FANCB: variants seen among roughly 807,000 people sequenced by gnomAD.
The protein encoded by FANCB is Fanconi anemia group B protein.
Under a neutral mutation model 38.9 loss-of-function variants are expected in FANCB, and 5 were observed. That is an observed-to-expected ratio of 0.13 (90% confidence interval 0.07 to 0.27). The LOEUF is 0.27. Ranked by LOEUF, FANCB falls within the 10% of genes least tolerant of loss-of-function variation. The pLI is 1.00. For missense variants in FANCB, 573 were observed against 602.7 expected, an observed-to-expected ratio of 0.95 and a Z score of 0.52; for synonymous variants, 236 against 215.4, an observed-to-expected ratio of 1.10 and a Z score of -0.84.
the FANCB span, among the ~76,000 whole-genome samples, chrX:14,789,209 A>G: frequency 8.9e-6 from 1 of 111,789 alleles, no homozygotes; most frequent in African/African-American, 3.2e-5. Flanking sequence ...CTGCTGGGGT[A>G]TATTGTCTCA....
chrX:14,865,119 T>C lies in FANCB; in HGVS notation c.392A>G (p.Lys131Arg), dbSNP rs2147446934. Residue 131 changes from lysine (K) to arginine (R), a missense_variant, in exon 3 of 10, where the codon AAG becomes AGG. Coordinates refer to ENST00000650831, the MANE Select transcript of FANCB (RefSeq NM_001018113.3). ...RLSFKLGYEM[K>R]DGLRVLNGPL... ...GCCATTAAGGACCCTTAGGCCATCC[T>C]TCATCTCATAGCCTAGTTTAAAACT... 1 of 1,208,411 alleles carries C rather than the reference T, an allele frequency of 8.3e-7. No homozygotes were observed. The highest frequency in any genetic ancestry group is 1.1e-6 in the Non-Finnish European group (1 of 893,594).
At chrX:14,755,534 G>A in the FANCB span, among the ~76,000 whole-genome samples, 1 of 111,453 alleles carries the variant, frequency 9.0e-6, no homozygotes, top group Admixed American at 9.5e-5. Flanking sequence ...AACCAAGAAA[G>A]CAATCCCACT....
At chrX:14,779,005 C>A in the FANCB span, among the ~76,000 whole-genome samples, 4 of 111,961 alleles carry the variant, frequency 3.6e-5, no homozygotes, top group Non-Finnish European at 7.5e-5. Flanking sequence ...GCCTGGGATT[C>A]TACTTGCCCC....
At chrX:14,720,938 C>T in the FANCB span, among the ~76,000 whole-genome samples, 1 of 109,375 alleles carries the variant, frequency 9.1e-6, no homozygotes, top group Non-Finnish European at 1.9e-5. Flanking sequence ...TTGGGACCAG[C>T]CTGGACAATA....
downstream of FANCB, among the ~76,000 whole-genome samples, chrX:14,841,063 AAGC>A (rs1379758842): frequency 8.9e-6 from 1 of 112,377 alleles, no homozygotes; most frequent in Non-Finnish European, 1.9e-5. Context: ...TGAGGCAGTA[AAGC>A]AATGCAAGTA....
chrX:14,747,372 G>T, the FANCB span, among the ~76,000 whole-genome samples: 2,480 of 112,055 alleles, frequency 0.022, 61 homozygotes, highest in African/African-American at 0.076. Flanking sequence ...CAACAAAATT[G>T]ACACAGGTAT....
chrX:14,792,500 TA>T, the FANCB span, among the ~76,000 whole-genome samples: 181 of 110,815 alleles, frequency 1.6e-3, no homozygotes, highest in African/African-American at 5.8e-3. Flanking sequence ...AATGCACCAT[TA>T]AAAAAAATCA....
At chrX:14,700,359 T>G in the FANCB span, among the ~76,000 whole-genome samples, 1 of 108,491 alleles carries the variant, frequency 9.2e-6, no homozygotes. Flanking sequence ...GGGAAGGCAG[T>G]GTAAGGGAAG....
the FANCB span, among the ~76,000 whole-genome samples, chrX:14,779,754 GA>G: frequency 9.1e-6 from 1 of 109,862 alleles, no homozygotes; most frequent in Non-Finnish European, 1.9e-5. Flanking sequence ...GTGAGGACTA[GA>G]TGATAGTGGA....
the FANCB span, among the ~76,000 whole-genome samples, chrX:14,794,440 G>C: frequency 1.8e-5 from 2 of 111,856 alleles, no homozygotes; most frequent in African/African-American, 3.2e-5. Flanking sequence ...TTGGAATCAT[G>C]GGTTTGAATT....
At chrX:14,781,138 A>G in the FANCB span, among the ~76,000 whole-genome samples, 1 of 110,794 alleles carries the variant, frequency 9.0e-6, no homozygotes, top group Non-Finnish European at 1.9e-5. Flanking sequence ...AACTGGTAGC[A>G]TATGCTGTAG....
At chrX:14,775,774 A>G in the FANCB span, among the ~76,000 whole-genome samples, 1 of 112,196 alleles carries the variant, frequency 8.9e-6, no homozygotes, top group Admixed American at 9.4e-5. Context: ...TGAGTACAGC[A>G]TCGAGTCAGT....
the FANCB span, among the ~76,000 whole-genome samples, chrX:14,774,478 TAGGGACA>T: frequency 8.9e-6 from 1 of 111,857 alleles, no homozygotes; most frequent in Non-Finnish European, 1.9e-5. Context: ...TCAATGGCAA[TAGGGACA>T]ATTGGGTAGC....
At chrX:14,830,472 C>G in the FANCB span, among the ~76,000 whole-genome samples, 35,611 of 110,747 alleles carry the variant, frequency 0.32, 4,674 homozygotes, top group East Asian at 0.79. Context: ...TGTACATACA[C>G]ACATATTTAG....
At chrX:14,790,789 T>C in the FANCB span, among the ~76,000 whole-genome samples, 3 of 111,333 alleles carry the variant, frequency 2.7e-5, no homozygotes, top group Admixed American at 9.6e-5. Context: ...GTTGGTCATT[T>C]GATTGAGTAG....
the FANCB span, among the ~76,000 whole-genome samples, chrX:14,745,891 A>G: frequency 2.0e-4 from 22 of 107,489 alleles, no homozygotes; most frequent in African/African-American, 5.8e-4. Flanking sequence ...TAGTAGAGAC[A>G]AGGTTTCACC....
chrX:14,870,632 T>A (rs2092491908), intron 1 of FANCB, among the ~76,000 whole-genome samples: 1 of 111,992 alleles, frequency 8.9e-6, no homozygotes, highest in Non-Finnish European at 1.9e-5. Context: ...AAGCATATGC[T>A]AACATAAAAA....
chrX:14,749,056 G>A, the FANCB span, among the ~76,000 whole-genome samples: 1 of 111,777 alleles, frequency 8.9e-6, no homozygotes, highest in South Asian at 3.8e-4. Flanking sequence ...ATGGGACTGT[G>A]TCTCATGTGA....
intron 3 of FANCB, among the ~76,000 whole-genome samples, chrX:14,859,605 A>C (rs1258818332): frequency 1.8e-5 from 2 of 111,939 alleles, no homozygotes; most frequent in Non-Finnish European, 3.8e-5. Context: ...TTCTATATCA[A>C]AATTTTATTG....
Sources: gnomAD v4.1 joint callset for allele counts (sites outside exome capture counted in the v4.1 genomes callset) on GRCh38, gnomAD v4.1.1 for gene constraint, MANE v1.5 for transcripts, NCBI Gene and HGNC (gene_info 2026-07-23, HGNC 2026-07-21) for gene names.